The following RAB6A variants were observed in gnomAD, a reference collection of about 807,000 sequenced individuals.
RAB6A encodes RAB6A, member RAS oncogene family.
RAB6A carries 8 observed loss-of-function variants against 32.3 expected under a neutral mutation model. That is an observed-to-expected ratio of 0.25 (90% CI 0.15 to 0.45). The LOEUF (loss-of-function observed/expected upper bound fraction) is 0.45. Ranked by LOEUF, RAB6A falls within the 20% of genes least tolerant of loss-of-function variation. RAB6A has a pLI of 1.00. For synonymous variants in RAB6A, 73 were observed against 82.1 expected (o/e 0.89, Z 0.60); for missense variants, 104 against 249.4 (o/e 0.42, Z 3.93).
chr11:73,696,670 A>G (rs1945661207), intron 6 of RAB6A, among the ~76,000 whole-genome samples: 1 of 151,710 alleles, frequency 6.6e-6, no homozygotes, highest in South Asian at 2.1e-4. Context: ...CCCATGCATG[A>G]TCATGGGTCA....
intron 6 of RAB6A, among the ~76,000 whole-genome samples, chr11:73,706,815 T>C (rs1029914462): frequency 3.9e-5 from 6 of 152,146 alleles, no homozygotes; most frequent in Non-Finnish European, 8.8e-5. Flanking sequence ...AGTCTTGGCA[T>C]CAAACTCTGA....
At position 73,691,667 on chromosome 11, in the gene RAB6A, GA is replaced by G. The variant is rs777630905; in HGVS notation, c.496-11948del. On this transcript the variant is annotated intron_variant, in intron 6 of 7. Coordinates refer to ENST00000336083, the MANE Select transcript of RAB6A (RefSeq NM_198896.2). The stretch of plus-strand genomic sequence containing the variant: ...ATTAAGGGGTGTGAAAACACATTAG[GA>G]AGCAAAAAGTGGCCAGGCACGGTGG... Among the ~76,000 whole-genome samples, 8 of 152,098 alleles carry G rather than the reference GA, an allele frequency of 5.3e-5. No homozygotes were observed. In the East Asian group the frequency reaches 1.5e-3, roughly 29 times the overall value.
At chr11:73,717,267 T>C (rs566785389) in intron 4 of RAB6A, among the ~76,000 whole-genome samples, 8 of 152,362 alleles carry the variant, frequency 5.3e-5, no homozygotes, top group Middle Eastern at 3.4e-3. Flanking sequence ...CAAGAATGCA[T>C]AGTAACAGTA....
intron 1 of RAB6A, among the ~76,000 whole-genome samples, chr11:73,749,049 C>T (rs913225073): frequency 6.6e-6 from 1 of 152,068 alleles, no homozygotes; most frequent in East Asian, 1.9e-4. Flanking sequence ...CTCTTGAACC[C>T]GGAAGGCAAA....
intron 6 of RAB6A, among the ~76,000 whole-genome samples, chr11:73,705,426 T>C (rs1353942043): frequency 1.3e-5 from 2 of 152,140 alleles, no homozygotes; most frequent in Non-Finnish European, 2.9e-5. Context: ...TGCACACCTG[T>C]AATCCCAGCT....
At chr11:73,751,692 A>G (rs1209018345) in intron 1 of RAB6A, among the ~76,000 whole-genome samples, 1 of 152,234 alleles carries the variant, frequency 6.6e-6, no homozygotes, top group Non-Finnish European at 1.5e-5. Flanking sequence ...GCTGAGGGAT[A>G]GAGTACAAAC....
intron 1 of RAB6A, among the ~76,000 whole-genome samples, chr11:73,755,929 G>A (rs1946744421): frequency 6.6e-6 from 1 of 151,964 alleles, no homozygotes; most frequent in Non-Finnish European, 1.5e-5. Flanking sequence ...GAAAGAAGAG[G>A]AGGAGGAGGA....
rs1946239439 is a variant in RAB6A, at chr11:73,727,440, A to AG, written c.129+3324_129+3325insC. Among the ~76,000 whole-genome samples, 3 of 151,678 alleles carry AG rather than the reference A, an allele frequency of 2.0e-5. No individual in the cohort carries two copies. The South Asian group carries it at 6.3e-4, about 32-fold the overall frequency. On this transcript the variant is annotated intron_variant, in intron 2 of 7. Coordinates refer to ENST00000336083, the MANE Select transcript of RAB6A (RefSeq NM_198896.2). Reference sequence around the variant, plus strand: ...TACTCTATCTCTTGGAAAAAAAAAAAAAGAACTTTTTTTTCCCCCAAAAAA... The same window carrying AG: ...TACTCTATCTCTTGGAAAAAAAAAAAGAAGAACTTTTTTTTCCCCCAAAAAA...
Position 73,702,558 on chromosome 11 carries a change from A to G in RAB6A, c.495+4862T>C, listed in dbSNP as rs115168773. On this transcript the variant is annotated intron_variant, in intron 6 of 7. Coordinates refer to ENST00000336083, the MANE Select transcript of RAB6A (RefSeq NM_198896.2). Reference sequence around the variant, plus strand: ...AAAAAATTCTTTTTCCAGTACATATAAGAACATTCAATAAGATAGACCATA... The same window carrying G: ...AAAAAATTCTTTTTCCAGTACATATGAGAACATTCAATAAGATAGACCATA... 5.3e-3 allele frequency among the ~76,000 whole-genome samples: 810 copies of G among 152,348 alleles called. 7 individuals carry two copies. The highest frequency in any genetic ancestry group is 0.018 in the African/African-American group (738 of 41,574).
At chr11:73,751,127 GAA>G (rs1219407919) in intron 1 of RAB6A, among the ~76,000 whole-genome samples, 3 of 152,026 alleles carry the variant, frequency 2.0e-5, no homozygotes, top group East Asian at 1.9e-4. Context: ...TTTTAAAAAA[GAA>G]AAGAGTCAGG....
At chr11:73,695,961 A>G (rs1343626822) in intron 6 of RAB6A, among the ~76,000 whole-genome samples, 1 of 152,204 alleles carries the variant, frequency 6.6e-6, no homozygotes, top group Admixed American at 6.5e-5. Context: ...TAATGTAAAG[A>G]GATACACTGG....
Position 73,750,909 on chromosome 11 carries a change from T to C in RAB6A, c.70+9657A>G, listed in dbSNP as rs1946661219. On this transcript the variant is annotated intron_variant, in intron 1 of 7. Coordinates refer to ENST00000336083, the MANE Select transcript of RAB6A (RefSeq NM_198896.2). The stretch of plus-strand genomic sequence containing the variant: ...AAGACTCACAGTAGCCTCAACCTCC[T>C]ATGCTCAAGCCAGCCTCCCAAGTAG... 2.0e-5 allele frequency among the ~76,000 whole-genome samples: 3 copies of C among 152,098 alleles called. No individual in the cohort carries two copies. The South Asian group carries it at 6.2e-4, about 32-fold the overall frequency.
chr11:73,680,737 C>T (rs1255641834), intron 6 of RAB6A, among the ~76,000 whole-genome samples: 3 of 152,118 alleles, frequency 2.0e-5, no homozygotes, highest in African/African-American at 4.8e-5. Flanking sequence ...TATCCTTCAT[C>T]GTTCATTAGA....
intron 1 of RAB6A, among the ~76,000 whole-genome samples, chr11:73,756,481 T>C (rs1946751974): frequency 6.6e-6 from 1 of 152,194 alleles, no homozygotes; most frequent in South Asian, 2.1e-4. Context: ...AAAAAAACAG[T>C]AGTAGGCTGA....
At chr11:73,714,758 G>A (rs1199928300) in intron 5 of RAB6A, among the ~76,000 whole-genome samples, 1 of 151,950 alleles carries the variant, frequency 6.6e-6, no homozygotes, top group Admixed American at 6.6e-5. Flanking sequence ...ACGAGGTCAG[G>A]AGTTCAAGAT....
intron 1 of RAB6A, among the ~76,000 whole-genome samples, chr11:73,756,342 A>G (rs1237546600): frequency 6.6e-6 from 1 of 152,182 alleles, no homozygotes; most frequent in Non-Finnish European, 1.5e-5. Context: ...TGACAGAGGT[A>G]GACCCCGTCT....
At chr11:73,685,198 A>G (rs1359073003) in intron 6 of RAB6A, among the ~76,000 whole-genome samples, 1 of 152,188 alleles carries the variant, frequency 6.6e-6, no homozygotes, top group Non-Finnish European at 1.5e-5. Context: ...GCTTAAAATA[A>G]TAGTATACTT....
chr11:73,713,352 C>T (rs1222944429), intron 5 of RAB6A, among the ~76,000 whole-genome samples: 2 of 152,116 alleles, frequency 1.3e-5, no homozygotes, highest in African/African-American at 2.4e-5. Flanking sequence ...AGGTGGATCA[C>T]GAGGTCAGGA....
intron 5 of RAB6A, among the ~76,000 whole-genome samples, chr11:73,711,299 T>A (rs60556342): frequency 0.021 from 3,188 of 152,248 alleles, 110 homozygotes; most frequent in African/African-American, 0.072. Context: ...GGGTCCTCAT[T>A]TTGCTTTAGG....
Sources: gnomAD v4.1 joint callset for allele counts (sites outside exome capture counted in the v4.1 genomes callset) on GRCh38, gnomAD v4.1.1 for gene constraint, MANE v1.5 for transcripts, NCBI Gene and HGNC (gene_info 2026-07-23, HGNC 2026-07-21) for gene names.